ERG: variants seen among roughly 807,000 people sequenced by gnomAD.
ERG encodes the protein transcriptional regulator ERG.
ERG carries 9 observed loss-of-function variants against 55.3 expected under a neutral mutation model. The ratio of observed to expected loss-of-function variants is 0.16; its 90% CI spans 0.10 to 0.28. The LOEUF is 0.28. Among genes scored for constraint, ERG ranks in the 10% least tolerant of loss-of-function variants. The probability of loss-of-function intolerance (pLI) is 1.00; values close to 1 mark genes in which losing one functional copy is unlikely to be tolerated. For missense variants in ERG, 434 were observed against 631.6 expected (o/e 0.69, Z 3.35); for synonymous variants, 223 against 237.3 (o/e 0.94, Z 0.55).
rs529392899 is a variant in ERG at position 38,573,010 on chromosome 21, C to G, written c.-41+2652G>C. Among the ~76,000 whole-genome samples the G allele has an allele frequency of 2.0e-5, 3 of 152,342 alleles. No individual in the cohort carries two copies. In the South Asian group the frequency reaches 6.2e-4, roughly 32 times the overall value. ...CTTTGCCCCAACCACTTTGCCCTAG[C>G]CACTTTGACCCAACCTGGAGCTCAC... On this transcript the variant is annotated intron_variant, in intron 2 of 8. Transcript: ENST00000398897.
chr21:38,463,689 T>C (rs1463784955), intron 1 of ERG, among the ~76,000 whole-genome samples: 1 of 152,122 alleles, frequency 6.6e-6, no homozygotes. Context: ...ATGGAGAAAC[T>C]GCAAGGAAAA....
chr21:38,468,433 CT>C (rs2146614256), intron 1 of ERG, among the ~76,000 whole-genome samples: 1 of 152,294 alleles, frequency 6.6e-6, no homozygotes, highest in African/African-American at 2.4e-5. Flanking sequence ...AGGAGCAAAG[CT>C]TTTCAAATTT....
chr21:38,373,241 T>A, the ERG span, among the ~76,000 whole-genome samples: 1 of 152,246 alleles, frequency 6.6e-6, no homozygotes, highest in Non-Finnish European at 1.5e-5. Flanking sequence ...TAGACTCTAA[T>A]CTTTTCCCAT....
chr21:38,546,203 C>T (rs1252070489), intron 2 of ERG, among the ~76,000 whole-genome samples: 2 of 152,182 alleles, frequency 1.3e-5, no homozygotes, highest in Non-Finnish European at 2.9e-5. Context: ...GTGCAAACTC[C>T]CCCTAAAATC....
chr21:38,466,898 C>G (rs1342916258), intron 1 of ERG, among the ~76,000 whole-genome samples: 1 of 152,082 alleles, frequency 6.6e-6, no homozygotes, highest in Non-Finnish European at 1.5e-5. Flanking sequence ...AAAATGAAAT[C>G]CAACATCTTT....
intron 3 of ERG, among the ~76,000 whole-genome samples, chr21:38,416,699 A>T (rs1341139937): frequency 6.6e-6 from 1 of 152,272 alleles, no homozygotes; most frequent in Non-Finnish European, 1.5e-5. Context: ...ATACAATATG[A>T]AACAAAATAA....
intron 2 of ERG, among the ~76,000 whole-genome samples, chr21:38,513,547 T>C (rs1241044077): frequency 6.6e-6 from 1 of 152,208 alleles, no homozygotes; most frequent in Non-Finnish European, 1.5e-5. Flanking sequence ...ACACGTAATA[T>C]AAAATCCTTC....
At chr21:38,564,962 G>C (rs987502161) in intron 2 of ERG, among the ~76,000 whole-genome samples, 2 of 152,080 alleles carry the variant, frequency 1.3e-5, no homozygotes, top group Admixed American at 1.3e-4. Flanking sequence ...ATCACAATTT[G>C]GATATCCAAC....
chr21:38,458,975 C>T (rs1267573189), intron 1 of ERG, among the ~76,000 whole-genome samples: 2 of 152,138 alleles, frequency 1.3e-5, no homozygotes, highest in Non-Finnish European at 2.9e-5. Flanking sequence ...CCTTTTTTAA[C>T]CCTCTTTTCT....
rs137937185 is a variant in ERG at position 38,558,479 on chromosome 21, A to G, written c.-41+17183T>C. On this transcript the variant is annotated intron_variant, in intron 2 of 8. Transcript: ENST00000398897. ...GTCAGCATTCTACTTTTCCAAGGAC[A>G]TTCAAAAATTTCTCATCCAAAGTCA... Among the ~76,000 whole-genome samples, 101 of 152,366 alleles carry G rather than the reference A, an allele frequency of 6.6e-4. 1 individual carries two copies. In the East Asian group the frequency reaches 0.017, roughly 25 times the overall value.
intron 1 of ERG, among the ~76,000 whole-genome samples, chr21:38,457,752 G>T (rs1940837144): frequency 6.6e-6 from 1 of 152,214 alleles, no homozygotes; most frequent in Non-Finnish European, 1.5e-5. Flanking sequence ...GCGGGTAGGT[G>T]AGTAGTGGAC....
upstream of ERG, among the ~76,000 whole-genome samples, chr21:38,585,810 A>G (rs1276216662): frequency 6.6e-6 from 1 of 152,010 alleles, no homozygotes; most frequent in Non-Finnish European, 1.5e-5. Context: ...CTCCACCTGA[A>G]GTCTTCGAAA....
At chr21:38,536,387 A>C (rs1377258691) in intron 2 of ERG, among the ~76,000 whole-genome samples, 2 of 152,140 alleles carry the variant, frequency 1.3e-5, no homozygotes, top group Non-Finnish European at 2.9e-5. Context: ...CCCAGGTTTA[A>C]AATACTCTTC....
upstream of ERG, among the ~76,000 whole-genome samples, chr21:38,503,417 C>T (rs1464977594): frequency 1.3e-5 from 2 of 150,278 alleles, no homozygotes; most frequent in Admixed American, 1.3e-4. Context: ...TCAAGAGTTT[C>T]GTGGAGGCCA....
At chr21:38,532,916 C>T (rs2059683040) in intron 2 of ERG, among the ~76,000 whole-genome samples, 2 of 152,200 alleles carry the variant, frequency 1.3e-5, no homozygotes, top group Admixed American at 1.3e-4. Context: ...CAGTTCTCAA[C>T]CGATTTTAGA....
intron 1 of ERG, among the ~76,000 whole-genome samples, chr21:38,637,155 AG>A (rs769404420): frequency 1.3e-5 from 2 of 152,156 alleles, no homozygotes; most frequent in Non-Finnish European, 2.9e-5. Context: ...CAGTGTAAAA[AG>A]CATCTCAAAA....
At chr21:38,424,578 CGCGGTGTGACA>C (rs1989731134) in intron 2 of ERG, among the ~76,000 whole-genome samples, 1 of 152,170 alleles carries the variant, frequency 6.6e-6, no homozygotes, top group South Asian at 2.1e-4. Flanking sequence ...TCTTTGTTCT[CGCGGTGTGACA>C]GCAAACAGGC....
chr21:38,628,338 T>C (rs1045386769), intron 1 of ERG, among the ~76,000 whole-genome samples: 1 of 151,992 alleles, frequency 6.6e-6, no homozygotes. Flanking sequence ...GACCACAGAG[T>C]CATAAAAGGG....
chr21:38,382,040 T>G lies in ERG; in HGVS notation c.*1363A>C. ...ACTCCTGTATAAATCTGATTTGCCA[T>G]GCTAGGCCAAGCTTATTTTATTACA... On this transcript the variant is annotated 3_prime_UTR_variant, in exon 10 of 10. Coordinates refer to ENST00000288319, the MANE Select transcript of ERG (RefSeq NM_182918.4). 9.4e-7 allele frequency: 1 copy of G among 1,059,778 alleles called. No individual in the cohort carries two copies. The highest frequency in any genetic ancestry group is 1.1e-6 in the Non-Finnish European group (1 of 875,610). 65.6% of individuals were successfully genotyped at this position (1,059,778 alleles called of 1,614,324 possible).
Sources: gnomAD v4.1 joint callset for allele counts (sites outside exome capture counted in the v4.1 genomes callset) on GRCh38, gnomAD v4.1.1 for gene constraint, MANE v1.5 for transcripts, NCBI Gene and HGNC (gene_info 2026-07-23, HGNC 2026-07-21) for gene names.